Variants in SNX18 observed in about 807,000 individuals in gnomAD.
SNX18 encodes the protein sorting nexin-18.
SNX18 carries 35 observed loss-of-function variants against 48.7 expected under a neutral mutation model. That is an observed-to-expected ratio of 0.72 (90% CI 0.55 to 0.95). The LOEUF (loss-of-function observed/expected upper bound fraction) is 0.95. SNX18 is among the 40% of genes least tolerant of loss of function. SNX18 has a pLI of 0.00. For synonymous variants in SNX18, 492 were observed against 384.7 expected (o/e 1.28, Z -3.26); for missense variants, 824 against 871.0 (o/e 0.95, Z 0.68).
the SNX18 span, among the ~76,000 whole-genome samples, chr5:54,626,856 G>C: frequency 6.6e-6 from 1 of 152,170 alleles, no homozygotes; most frequent in Non-Finnish European, 1.5e-5. Context: ...ACTTGTTTAT[G>C]GTTAACTAGT....
the SNX18 span, among the ~76,000 whole-genome samples, chr5:54,558,881 C>CCT: frequency 6.6e-6 from 1 of 152,052 alleles, no homozygotes; most frequent in South Asian, 2.1e-4. Flanking sequence ...TATTTCCAAC[C>CCT]TGTAAACTTG....
At chr5:54,566,486 T>A in the SNX18 span, among the ~76,000 whole-genome samples, 2 of 152,230 alleles carry the variant, frequency 1.3e-5, no homozygotes, top group Non-Finnish European at 2.9e-5. Context: ...GCTGGCTGGA[T>A]GCAATAGACA....
chr5:54,640,767 A>G, the SNX18 span, among the ~76,000 whole-genome samples: 3 of 152,288 alleles, frequency 2.0e-5, no homozygotes, highest in African/African-American at 7.2e-5. Flanking sequence ...TTGATAAAAA[A>G]AAAATCAGGA....
At chr5:54,525,944 G>A (rs901038316) in intron 1 of SNX18, among the ~76,000 whole-genome samples, 3 of 152,120 alleles carry the variant, frequency 2.0e-5, no homozygotes, top group African/African-American at 7.2e-5. Flanking sequence ...CAGCAATCAC[G>A]CATTGCAGGC....
the SNX18 span, among the ~76,000 whole-genome samples, chr5:54,571,930 C>T: frequency 6.6e-6 from 1 of 152,168 alleles, no homozygotes; most frequent in African/African-American, 2.4e-5. Flanking sequence ...CACCCCCTAC[C>T]ATGTATCAGT....
Position 54,519,166 on chromosome 5 carries a change from C to A in SNX18, c.1214C>A (p.Ala405Asp). Residue 405 changes from alanine (A) to aspartate (D), a missense_variant, in exon 1 of 2, where the codon GCC becomes GAC. By Grantham distance (126) the Ala-to-Asp change is moderately radical (BLOSUM62 -2). Coordinates refer to ENST00000381410, the MANE Select transcript of SNX18 (RefSeq NM_001102575.2). ...GCCGAGAAGGACGAGATGGTGGGCG[C>A]CAACTTCTTCCTGACCCTTAGCACG... ...RKAEKDEMVGANFFLTLSTPP... is the reference protein window; with the variant it reads ...RKAEKDEMVGDNFFLTLSTPP... 6.2e-7 allele frequency: 1 copy of A among 1,613,794 alleles called. No homozygotes were observed. Among genetic ancestry groups the A allele is most frequent in the Non-Finnish European group, 8.5e-7 (1 of 1,179,790 alleles).
chr5:54,525,653 C>A (rs1323078129), intron 1 of SNX18, among the ~76,000 whole-genome samples: 1 of 152,134 alleles, frequency 6.6e-6, no homozygotes, highest in African/African-American at 2.4e-5. Context: ...CTCCTGGCTC[C>A]CCTCTAACCC....
At chr5:54,631,420 G>C in the SNX18 span, among the ~76,000 whole-genome samples, 2 of 152,154 alleles carry the variant, frequency 1.3e-5, no homozygotes, top group East Asian at 1.9e-4. Context: ...CATTATAAAG[G>C]CTTCAAATAA....
chr5:54,608,886 A>G, the SNX18 span, among the ~76,000 whole-genome samples: 5 of 152,144 alleles, frequency 3.3e-5, 1 homozygote, highest in South Asian at 8.3e-4. Context: ...GTCTTATTAA[A>G]CACTCTGGCA....
the SNX18 span, among the ~76,000 whole-genome samples, chr5:54,585,119 C>G: frequency 6.6e-6 from 1 of 151,860 alleles, no homozygotes; most frequent in African/African-American, 2.4e-5. Flanking sequence ...TAGCAAGATC[C>G]CATCTCTACA....
At chr5:54,628,460 T>C in the SNX18 span, among the ~76,000 whole-genome samples, 1 of 152,182 alleles carries the variant, frequency 6.6e-6, no homozygotes. Flanking sequence ...CACTCCCAGC[T>C]GGAAGAGTGA....
chr5:54,604,685 G>A, the SNX18 span, among the ~76,000 whole-genome samples: 9 of 152,144 alleles, frequency 5.9e-5, no homozygotes, highest in Non-Finnish European at 1.2e-4. Flanking sequence ...TCCTGGAAAT[G>A]GATAGTAGTG....
At chr5:54,611,349 G>C in the SNX18 span, among the ~76,000 whole-genome samples, 1 of 152,168 alleles carries the variant, frequency 6.6e-6, no homozygotes, top group Admixed American at 6.5e-5. Context: ...CCCACCCAGA[G>C]AGAGAATCAC....
chr5:54,583,776 C>T, the SNX18 span, among the ~76,000 whole-genome samples: 1 of 152,220 alleles, frequency 6.6e-6, no homozygotes, highest in Non-Finnish European at 1.5e-5. Flanking sequence ...ATAATCCTGT[C>T]CCTTCTTTGT....
chr5:54,602,923 T>C, the SNX18 span, among the ~76,000 whole-genome samples: 14 of 152,214 alleles, frequency 9.2e-5, no homozygotes, highest in East Asian at 2.7e-3. Flanking sequence ...TGCCTGACCA[T>C]CACCTGATGG....
chr5:54,598,240 G>T, the SNX18 span, among the ~76,000 whole-genome samples: 1 of 152,016 alleles, frequency 6.6e-6, no homozygotes, highest in Non-Finnish European at 1.5e-5. Context: ...GTAATAAATA[G>T]CCCACCAACC....
At chr5:54,640,315 G>C in the SNX18 span, among the ~76,000 whole-genome samples, 2 of 151,708 alleles carry the variant, frequency 1.3e-5, no homozygotes, top group Non-Finnish European at 2.9e-5. Context: ...CCAGGCTCAA[G>C]CGACTTTCCT....
At chr5:54,576,501 A>G in the SNX18 span, among the ~76,000 whole-genome samples, 1 of 152,312 alleles carries the variant, frequency 6.6e-6, no homozygotes, top group East Asian at 1.9e-4. Context: ...GGTTGATCGC[A>G]GGGCATCTCC....
chr5:54,583,144 T>C, the SNX18 span, among the ~76,000 whole-genome samples: 1 of 152,214 alleles, frequency 6.6e-6, no homozygotes, highest in African/African-American at 2.4e-5. Flanking sequence ...CTAGACTCTG[T>C]ATGTTTGTTT....
Sources: gnomAD v4.1 joint callset for allele counts (sites outside exome capture counted in the v4.1 genomes callset) on GRCh38, gnomAD v4.1.1 for gene constraint, MANE v1.5 for transcripts, NCBI Gene and HGNC (gene_info 2026-07-23, HGNC 2026-07-21) for gene names.